Variants in TDRD12 observed in about 807,000 individuals in gnomAD.
TDRD12 encodes tudor domain containing 12.
TDRD12 carries 158 observed loss-of-function variants against 133.5 expected under a neutral mutation model. The ratio of observed to expected loss-of-function variants is 1.18; its 90% CI spans 1.04 to 1.35. The LOEUF (loss-of-function observed/expected upper bound fraction) is 1.35. Among genes scored for constraint, TDRD12 ranks in the 40% most tolerant of loss-of-function variants. TDRD12 has a pLI of 0.00. For synonymous variants in TDRD12, 460 were observed against 477.9 expected (o/e 0.96, Z 0.49); for missense variants, 1,443 against 1,321.3 (o/e 1.09, Z -1.43).
chr19:32,765,923 AAG>A (rs1047424979), intron 8 of TDRD12, among the ~76,000 whole-genome samples: 9 of 152,054 alleles, frequency 5.9e-5, no homozygotes, highest in Admixed American at 2.0e-4. Context: ...TGAAAAAAAA[AAG>A]AATGTTTATG....
intron 1 of TDRD12, among the ~76,000 whole-genome samples, chr19:32,722,683 T>TAA (rs1968723674): frequency 6.7e-6 from 1 of 148,730 alleles, no homozygotes; most frequent in African/African-American, 2.5e-5. Context: ...AAAAAAATTT[T>TAA]TTTTTTTTTT....
At chr19:32,737,454 C>T (rs570934377) in intron 2 of TDRD12, among the ~76,000 whole-genome samples, 7 of 152,276 alleles carry the variant, frequency 4.6e-5, no homozygotes, top group African/African-American at 1.7e-4. Flanking sequence ...ATCCACTCAC[C>T]TCGACCTCCC....
At chr19:32,812,140 G>T (rs1967027881) in intron 24 of TDRD12, among the ~76,000 whole-genome samples, 2 of 152,234 alleles carry the variant, frequency 1.3e-5, no homozygotes, top group African/African-American at 2.4e-5. Flanking sequence ...AGGCACAGAA[G>T]AGGGCTCCAT....
chr19:32,735,231 T>G (rs761005713), intron 2 of TDRD12, among the ~76,000 whole-genome samples: 2 of 151,896 alleles, frequency 1.3e-5, no homozygotes, highest in African/African-American at 2.4e-5. Context: ...AAGGAAAAGT[T>G]CTTGAAGGAA....
chr19:32,767,370 C>G (rs891256393), intron 8 of TDRD12, among the ~76,000 whole-genome samples: 1 of 152,016 alleles, frequency 6.6e-6, no homozygotes, highest in African/African-American at 2.4e-5. Flanking sequence ...CTCAGATGAT[C>G]CACCCGACTC....
chr19:32,764,103 CTTTTTTTTTTT>C (rs5827820), intron 8 of TDRD12, among the ~76,000 whole-genome samples: 2 of 72,298 alleles, frequency 2.8e-5, no homozygotes, highest in Non-Finnish European at 4.8e-5. Flanking sequence ...TATTGTCCAT[CTTTTTTTTTTT>C]TTTTTTTTTT....
At chr19:32,812,465 G>A (rs1020893898) in intron 24 of TDRD12, among the ~76,000 whole-genome samples, 3 of 147,630 alleles carry the variant, frequency 2.0e-5, no homozygotes, top group African/African-American at 7.4e-5. Flanking sequence ...CATTATCCAG[G>A]AAATAAACAA....
downstream of TDRD12, among the ~76,000 whole-genome samples, chr19:32,825,188 G>A (rs1178766539): frequency 6.6e-6 from 1 of 152,246 alleles, no homozygotes; most frequent in African/African-American, 2.4e-5. This position sits in a 1 kb window ranked among gnomAD's most constrained non-coding sequence, Gnocchi z 4.1. Context: ...GGCGGCATGT[G>A]ACACCGAGGA....
At chr19:32,756,479 C>G (rs189599281) in intron 7 of TDRD12, among the ~76,000 whole-genome samples, 172 of 151,620 alleles carry the variant, frequency 1.1e-3, no homozygotes, top group African/African-American at 4.0e-3. Flanking sequence ...GCTCCTCCCC[C>G]CAGGTTCACA....
intron 21 of TDRD12, among the ~76,000 whole-genome samples, chr19:32,807,261 A>G (rs915458537): frequency 7.7e-6 from 1 of 130,386 alleles, no homozygotes; most frequent in Admixed American, 7.8e-5. Flanking sequence ...AGTGAGACCA[A>G]ACTCTTAAAA....
chr19:32,779,592 G>A (rs568419207), intron 11 of TDRD12, among the ~76,000 whole-genome samples: 1 of 151,928 alleles, frequency 6.6e-6, no homozygotes, highest in Non-Finnish European at 1.5e-5. Flanking sequence ...CTTAATTTTT[G>A]GGTGTTCAAG....
chr19:32,791,003 C>G, exon 13 of TDRD12: 1 of 1,536,142 alleles, frequency 6.5e-7, no homozygotes, highest in South Asian at 1.2e-5. Context: ...CGTGGTAGTG[C>G]TCCGGAACAA....
chr19:32,720,207 A>C (rs1273622103), intron 1 of TDRD12, 111 bp downstream of exon 1: 77 of 932,566 alleles, frequency 8.3e-5, no homozygotes, highest in East Asian at 1.4e-4. Context: ...TCCTACACCC[A>C]CCGCAGCCCC....
In TDRD12 at chr19:32,780,882, C is replaced by T. The variant is rs566319816; in HGVS notation, c.1121+3653C>T. 1.5e-4 allele frequency among the ~76,000 whole-genome samples: 23 copies of T among 151,318 alleles called. 1 individual carries two copies. The highest frequency in any genetic ancestry group is 8.6e-4 in the Admixed American group (13 of 15,180). Reference sequence around the variant, plus strand: ...AAGCAATCCTCCTGCCTCAACCTCCCGAGTAGCTGGGACTACTGTCTGCCA... The same window carrying T: ...AAGCAATCCTCCTGCCTCAACCTCCTGAGTAGCTGGGACTACTGTCTGCCA... On this transcript the variant is annotated intron_variant, in intron 11 of 27. Coordinates refer to ENST00000444215, the Ensembl canonical transcript of TDRD12.
intron 14 of TDRD12, among the ~76,000 whole-genome samples, chr19:32,795,795 C>T (rs544512365): frequency 2.6e-5 from 4 of 152,178 alleles, no homozygotes; most frequent in Non-Finnish European, 5.9e-5. Context: ...AGGAAACTCA[C>T]AATCATTGCA....
At chr19:32,814,675 G>C (rs1369898352) in intron 25 of TDRD12, among the ~76,000 whole-genome samples, 1 of 152,180 alleles carries the variant, frequency 6.6e-6, no homozygotes, top group Non-Finnish European at 1.5e-5. Flanking sequence ...AAGCCCACCT[G>C]GCAGATGTGT....
At chr19:32,805,169 T>TATAA (rs1467165287) in intron 21 of TDRD12, among the ~76,000 whole-genome samples, 1 of 127,406 alleles carries the variant, frequency 7.8e-6, no homozygotes, top group Non-Finnish European at 1.6e-5. Context: ...ATGTTATATA[T>TATAA]TATATATATA....
intron 2 of TDRD12, among the ~76,000 whole-genome samples, chr19:32,737,904 G>T (rs1236922607): frequency 6.6e-6 from 1 of 152,082 alleles, no homozygotes; most frequent in Non-Finnish European, 1.5e-5. Context: ...AGGCCGAGGC[G>T]GGTGGATCAC....
At chr19:32,825,031 TAGGATC>T (rs966298139), downstream of TDRD12, among the ~76,000 whole-genome samples, 1 of 152,140 alleles carries the variant, frequency 6.6e-6, no homozygotes. This position sits in a 1 kb window ranked among gnomAD's most constrained non-coding sequence, Gnocchi z 4.1. Flanking sequence ...GCTCTGTCTT[TAGGATC>T]AGTCCCAGCT....
Sources: allele counts gnomAD v4.1 joint callset (sites outside exome capture counted in the v4.1 genomes callset), GRCh38; gene constraint gnomAD v4.1.1; non-coding constraint Gnocchi (gnomAD v3.1); transcripts MANE v1.5; gene names NCBI Gene and HGNC (gene_info 2026-07-23, HGNC 2026-07-21).